The following STK24 variants were observed in gnomAD, a reference collection of about 807,000 sequenced individuals.
The protein encoded by STK24 is serine/threonine kinase 24.
A neutral mutation model predicts 55.6 loss-of-function variants in STK24; 21 were observed. The ratio of observed to expected loss-of-function variants is 0.38; its 90% CI spans 0.27 to 0.54. The LOEUF is 0.54. Ranked by LOEUF, STK24 falls within the 20% of genes least tolerant of loss-of-function variation. The pLI is 0.79. For synonymous variants in STK24, 200 were observed against 215.2 expected, an observed-to-expected ratio of 0.93 and a Z score of 0.62; for missense variants, 383 against 538.4, an observed-to-expected ratio of 0.71 and a Z score of 2.86.
At chr13:98,516,495 C>T (rs1382130846) in intron 2 of STK24, among the ~76,000 whole-genome samples, 2 of 152,226 alleles carry the variant, frequency 1.3e-5, no homozygotes, top group African/African-American at 4.8e-5. Flanking sequence ...GTGTCCTCTT[C>T]CCACGAAGCA....
chr13:98,445,664 GCCC>G lies in STK24; in HGVS notation c.*7506_*7508del, dbSNP rs1298077417. ...CTGCTGGCAATGCATGGGGTCCTGCGCCCCCATTTCTGCCTCGGTGTCACAGGG... is the reference window on the plus strand; with the variant it reads ...CTGCTGGCAATGCATGGGGTCCTGCGCCATTTCTGCCTCGGTGTCACAGGG... On this transcript the variant is annotated 3_prime_UTR_variant, in exon 11 of 11. Transcript: ENST00000539966. 6.5e-6 allele frequency: 1 copy of G among 153,822 alleles called. No individual in the cohort carries two copies. Among genetic ancestry groups the G allele is most frequent in the African/African-American group, 2.4e-5 (1 of 41,464 alleles). 9.5% of individuals were successfully genotyped at this position (153,822 alleles called of 1,614,324 possible). A position where few individuals can be genotyped will look rare whatever the true frequency, so the allele number is the denominator to read the frequency against.
At chr13:98,512,925 G>A (rs1895935095) in intron 2 of STK24, among the ~76,000 whole-genome samples, 1 of 152,198 alleles carries the variant, frequency 6.6e-6, no homozygotes, top group Admixed American at 6.5e-5. Context: ...GGGTTTATAA[G>A]GAACACCAGA....
intron 2 of STK24, among the ~76,000 whole-genome samples, chr13:98,497,503 G>A (rs145515997): frequency 5.1e-4 from 78 of 152,288 alleles, no homozygotes; most frequent in African/African-American, 1.8e-3. Context: ...AAACCAGGAC[G>A]CCATGAAAGA....
At chr13:98,461,591 G>A (rs1893705222) in intron 8 of STK24, among the ~76,000 whole-genome samples, 183 bp downstream of exon 8, 1 of 152,152 alleles carries the variant, frequency 6.6e-6, no homozygotes, top group South Asian at 2.1e-4. Context: ...AGACTCCCTG[G>A]TGTGAACACC....
chr13:98,523,770 T>C (rs545682365), intron 1 of STK24, among the ~76,000 whole-genome samples: 79 of 152,356 alleles, frequency 5.2e-4, no homozygotes, highest in African/African-American at 1.9e-3. Context: ...CGAGAAATCG[T>C]GAGCCTGCTG....
chr13:98,556,038 G>A (rs1156944607), intron 1 of STK24, among the ~76,000 whole-genome samples: 2 of 152,094 alleles, frequency 1.3e-5, no homozygotes, highest in Non-Finnish European at 2.9e-5. Flanking sequence ...TCTTTTATCA[G>A]CATATACCTG....
intron 5 of STK24, among the ~76,000 whole-genome samples, chr13:98,467,317 G>A (rs56861299): frequency 0.027 from 4,147 of 152,058 alleles, 178 homozygotes; most frequent in African/African-American, 0.094. Flanking sequence ...GAGTATTTCC[G>A]TGTGCCAATA....
chr13:98,494,055 G>T (rs935807985), intron 2 of STK24, among the ~76,000 whole-genome samples: 2 of 149,470 alleles, frequency 1.3e-5, no homozygotes, highest in African/African-American at 4.9e-5. Flanking sequence ...TGTTAGCCAG[G>T]ATGGTCTCGA....
chr13:98,502,322 G>A (rs72655624), intron 2 of STK24, among the ~76,000 whole-genome samples: 7,078 of 152,276 alleles, frequency 0.046, 192 homozygotes, highest in South Asian at 0.12. Flanking sequence ...GTTGATAAAA[G>A]ATGGGGCAGG....
In STK24 at chr13:98,448,137, C is replaced by A; in HGVS notation, c.*5036G>T. ...CTGAAGTGGCAGATTACCAACCAGG[C>A]GGCCTGACTTCACCTTGTGTTTCTG... On this transcript the variant is annotated 3_prime_UTR_variant, in exon 11 of 11. Transcript: ENST00000539966. 1.0e-6 allele frequency: 1 copy of A among 976,346 alleles called. No individual in the cohort carries two copies. Among genetic ancestry groups the A allele is most frequent in the Non-Finnish European group, 1.6e-6 (1 of 608,502 alleles). The allele number at this position is 976,346 out of a possible 1,614,324, so 60.5% of individuals were successfully genotyped here.
At chr13:98,466,330 T>C in intron 6 of STK24, 46 bp downstream of exon 6, 1 of 1,588,586 alleles carries the variant, frequency 6.3e-7, no homozygotes, top group Non-Finnish European at 8.6e-7. Context: ...CTCAACCAAG[T>C]CAAGCCGCAC....
chr13:98,521,989 C>A, intron 1 of STK24: 1 of 1,444,250 alleles, frequency 6.9e-7, no homozygotes, highest in Middle Eastern at 1.8e-4. Context: ...AGCACTCTCC[C>A]TAACCCAAAG....
rs115785749 is a variant in STK24 at position 98,527,455 on chromosome 13, C to T, written c.43-7982G>A. On this transcript the variant is annotated intron_variant, in intron 1 of 10. Transcript: ENST00000539966. Reference sequence around the variant, plus strand: ...GGGCAAGGTGCCGGGAATCATGCTCCGCGGGCCACCAGTGAGGACGAAAGT... The same window carrying T: ...GGGCAAGGTGCCGGGAATCATGCTCTGCGGGCCACCAGTGAGGACGAAAGT... 5.1e-3 allele frequency among the ~76,000 whole-genome samples: 770 copies of T among 152,298 alleles called. 9 individuals carry two copies. Among genetic ancestry groups the T allele is most frequent in the African/African-American group, 0.016 (667 of 41,546 alleles).
chr13:98,466,153 A>G (rs1893917856), intron 6 of STK24, among the ~76,000 whole-genome samples: 1 of 152,250 alleles, frequency 6.6e-6, no homozygotes, highest in Non-Finnish European at 1.5e-5. Flanking sequence ...TCAATGAAGT[A>G]TGAGATGGCA....
Position 98,466,408 on chromosome 13 carries a change from C to A in STK24, c.751G>T (p.Val251Leu), listed in dbSNP as rs1181195707. The A allele has an allele frequency of 6.2e-7, 1 of 1,612,846 alleles. No homozygotes were observed. ...GGCTCCTTATTCAAACAGGCCTCCA[C>A]AAACTCCTTGAGGGGTTTACTGTAG... ...GNYSKPLKEF[V>L]EACLNKEPSF... The change falls in exon 6 of 11, where the codon GTG becomes TTG. Residue 251 changes from valine to leucine, a missense_variant. Coordinates refer to ENST00000539966, the MANE Select transcript of STK24 (RefSeq NM_001032296.4).
rs1202078655 is a variant in STK24, at chr13:98,451,596, T to C, written c.*1577A>G. 6.6e-6 allele frequency: 1 copy of C among 152,130 alleles called. No individual in the cohort carries two copies. The highest frequency in any genetic ancestry group is 6.5e-5 in the Admixed American group (1 of 15,270). The allele number at this position is 152,130 out of a possible 1,614,324, so 9.4% of individuals were successfully genotyped here. On this transcript the variant is annotated 3_prime_UTR_variant, in exon 11 of 11. Coordinates refer to ENST00000539966, the MANE Select transcript of STK24 (RefSeq NM_001032296.4). ...AGGGCTCTGTCCCCTCCCTATAGCT[T>C]AGAGGCCACTAGACCAGCAGATAGC...
intron 2 of STK24, among the ~76,000 whole-genome samples, chr13:98,493,838 A>C (rs1194622271): frequency 6.6e-6 from 1 of 150,838 alleles, no homozygotes. Flanking sequence ...GCAAAAAAAA[A>C]ATTTTTTTTT....
At chr13:98,469,892 A>T (rs1353100661) in intron 5 of STK24, among the ~76,000 whole-genome samples, 1 of 152,226 alleles carries the variant, frequency 6.6e-6, no homozygotes, top group Non-Finnish European at 1.5e-5. Context: ...CCACAAAAAT[A>T]TCCAAACTTG....
At chr13:98,501,844 T>A (rs1467432826) in intron 2 of STK24, among the ~76,000 whole-genome samples, 1 of 152,170 alleles carries the variant, frequency 6.6e-6, no homozygotes, top group Non-Finnish European at 1.5e-5. Flanking sequence ...GGCTTTCCCC[T>A]GTTGCCCTAT....
Sources: allele counts gnomAD v4.1 joint callset (sites outside exome capture counted in the v4.1 genomes callset), GRCh38; gene constraint gnomAD v4.1.1; transcripts MANE v1.5; gene names NCBI Gene and HGNC (gene_info 2026-07-23, HGNC 2026-07-21).